The following AGAP1 variants were observed in gnomAD, a reference collection of about 807,000 sequenced individuals.
The protein encoded by AGAP1 is ArfGAP with GTPase domain, ankyrin repeat and PH domain 1.
Under a neutral mutation model 105.3 loss-of-function variants are expected in AGAP1, and 29 were observed. That is an observed-to-expected ratio of 0.28 (90% confidence interval 0.21 to 0.38). AGAP1 has a LOEUF of 0.38. Ranked by LOEUF, AGAP1 falls within the 10% of genes least tolerant of loss-of-function variation. AGAP1 has a pLI of 1.00. For missense variants in AGAP1, 998 were observed against 1,165.1 expected, an observed-to-expected ratio of 0.86 and a Z score of 2.09; for synonymous variants, 509 against 485.9, an observed-to-expected ratio of 1.05 and a Z score of -0.63.
rs2054252573 is a variant in AGAP1 at position 235,962,974 on chromosome 2, G to C, written c.1484-5488G>C. On this transcript the variant is annotated intron_variant, in intron 12 of 17. Coordinates refer to ENST00000304032, the MANE Select transcript of AGAP1 (RefSeq NM_001037131.3). This position sits in a 1 kb window ranked among gnomAD's most constrained non-coding sequence, Gnocchi z 5.3. ...GGGTTCCTGGAGAACCGGTGGATCT[G>C]TGGGAATCCAGAGTCCCATGGGGCT... is the stretch of plus-strand genomic sequence containing the variant. Among the ~76,000 whole-genome samples the C allele has an allele frequency of 6.6e-6, 1 of 152,172 alleles. No individual in the cohort carries two copies. Among genetic ancestry groups the C allele is most frequent in the Non-Finnish European group, 1.5e-5 (1 of 68,040 alleles).
At chr2:235,929,109 C>T (rs1469270949) in intron 11 of AGAP1, among the ~76,000 whole-genome samples, 2 of 152,198 alleles carry the variant, frequency 1.3e-5, no homozygotes, top group African/African-American at 4.8e-5. Flanking sequence ...AGCCCAGACC[C>T]GAGGCTTCCG....
rs1025464912 is a variant in AGAP1 at position 236,054,830 on chromosome 2, A to G, written c.2114+5549A>G. Reference sequence around the variant, plus strand: ...AGTTAATTTGCCACGATCACCGAGCATGGCGGATTGATGCCCTGCCCCTGC... The same window carrying G: ...AGTTAATTTGCCACGATCACCGAGCGTGGCGGATTGATGCCCTGCCCCTGC... On this transcript the variant is annotated intron_variant, in intron 16 of 17. Transcript: ENST00000304032. Among the ~76,000 whole-genome samples, 4 of 152,190 alleles carry G rather than the reference A, an allele frequency of 2.6e-5. No individual in the cohort carries two copies. The South Asian group carries it at 6.2e-4, about 24-fold the overall frequency.
intron 9 of AGAP1, among the ~76,000 whole-genome samples, chr2:235,819,117 C>CTTTTT (rs1235692784): frequency 2.7e-5 from 2 of 74,068 alleles, no homozygotes; most frequent in South Asian, 3.0e-4. Context: ...CTTTTCTTTT[C>CTTTTT]TTTTTTTTTT....
intron 6 of AGAP1, chr2:235,774,176 G>T: frequency 2.6e-6 from 1 of 378,306 alleles, no homozygotes; most frequent in Non-Finnish European, 5.3e-6. Context: ...CCTTATTCTT[G>T]ATATTATAGA....
rs765570228 is a variant in AGAP1 at position 235,877,828 on chromosome 2, C to CACTG, written c.1051-5516_1051-5513dup. 6.6e-6 allele frequency among the ~76,000 whole-genome samples: 1 copy of CACTG among 152,202 alleles called. No homozygotes were observed. The highest frequency in any genetic ancestry group is 1.5e-5 in the Non-Finnish European group (1 of 68,040). On this transcript the variant is annotated intron_variant, in intron 9 of 17. Coordinates refer to ENST00000304032, the MANE Select transcript of AGAP1 (RefSeq NM_001037131.3). The surrounding 1 kb of genome is among the most constrained non-coding windows in gnomAD (Gnocchi z 4.3). Reference sequence around the variant, plus strand: ...CCTCCCCCTCTTGGGTACACCCAACCACTGGTCTAAAGTGGGCCACACTTT... The same window carrying CACTG: ...CCTCCCCCTCTTGGGTACACCCAACCACTGACTGGTCTAAAGTGGGCCACACTTT...
chr2:236,042,661 C>T lies in AGAP1; in HGVS notation c.1891+1820C>T, dbSNP rs555079590. 1.5e-4 allele frequency among the ~76,000 whole-genome samples: 23 copies of T among 152,116 alleles called. No homozygotes were observed. The highest frequency in any genetic ancestry group is 3.9e-4 in the East Asian group (2 of 5,160). Reference sequence around the variant, plus strand: ...GCGGGGACCATGATACCTGGCAAATCGGAGGTCGCAGGTCCTGTCTGAGAT... The same window carrying T: ...GCGGGGACCATGATACCTGGCAAATTGGAGGTCGCAGGTCCTGTCTGAGAT... On this transcript the variant is annotated intron_variant, in intron 15 of 17. Coordinates refer to ENST00000304032, the MANE Select transcript of AGAP1 (RefSeq NM_001037131.3). This position sits in a 1 kb window ranked among gnomAD's most constrained non-coding sequence, Gnocchi z 5.6.
intron 9 of AGAP1, among the ~76,000 whole-genome samples, chr2:235,819,761 A>T (rs1253403925): frequency 2.0e-5 from 3 of 151,788 alleles, no homozygotes; most frequent in Non-Finnish European, 4.4e-5. Flanking sequence ...GTGTTTCCGG[A>T]TGGTGCACAC....
intron 1 of AGAP1, among the ~76,000 whole-genome samples, chr2:235,693,424 G>A (rs1191536370): frequency 6.6e-6 from 1 of 152,168 alleles, no homozygotes; most frequent in Non-Finnish European, 1.5e-5. Context: ...CCCAAGTGCA[G>A]TCTCTGGCAT....
At chr2:236,066,423 G>C (rs184287393) in intron 16 of AGAP1, among the ~76,000 whole-genome samples, 1 of 151,992 alleles carries the variant, frequency 6.6e-6, no homozygotes, top group African/African-American at 2.4e-5. Context: ...ATGGGGTTTC[G>C]CCATGTTGGC....
chr2:235,627,217 G>C (rs996087711), intron 1 of AGAP1, among the ~76,000 whole-genome samples: 7 of 15,516 alleles, frequency 4.5e-4, no homozygotes, highest in African/African-American at 1.5e-3. Context: ...TTTTTTTTTT[G>C]ATAGGGTCTC....
At chr2:235,870,271 G>A (rs931442806) in intron 9 of AGAP1, among the ~76,000 whole-genome samples, 5 of 152,178 alleles carry the variant, frequency 3.3e-5, no homozygotes, top group African/African-American at 1.2e-4. Context: ...GGAAGACCAC[G>A]ATACGCAGGG....
chr2:235,823,688 C>G (rs1958923494), intron 9 of AGAP1, among the ~76,000 whole-genome samples: 1 of 152,136 alleles, frequency 6.6e-6, no homozygotes, highest in Admixed American at 6.5e-5. Context: ...ACTGTTTTGA[C>G]CCAGATATTT....
intron 10 of AGAP1, among the ~76,000 whole-genome samples, chr2:235,895,400 T>C (rs150399410): frequency 2.9e-3 from 442 of 152,334 alleles, no homozygotes; most frequent in Non-Finnish European, 5.3e-3. Flanking sequence ...TTTCTTTTAG[T>C]TTCTCATACT....
chr2:235,999,758 T>C (rs774146488), intron 13 of AGAP1, among the ~76,000 whole-genome samples: 1 of 152,044 alleles, frequency 6.6e-6, no homozygotes. Context: ...GTGATGATGC[T>C]GATTATGATG....
At chr2:236,079,687 T>C (rs1287127835) in intron 16 of AGAP1, among the ~76,000 whole-genome samples, 1 of 152,008 alleles carries the variant, frequency 6.6e-6, no homozygotes, top group Admixed American at 6.6e-5. Context: ...AAGGCAAGCC[T>C]CAGAGAAAAA....
Position 236,080,291 on chromosome 2 carries a change from T to TA in AGAP1, c.2114+31011dup, listed in dbSNP as rs2058747803. Among the ~76,000 whole-genome samples the TA allele has an allele frequency of 6.6e-6, 1 of 152,226 alleles. No individual in the cohort carries two copies. Among genetic ancestry groups the TA allele is most frequent in the Admixed American group, 6.5e-5 (1 of 15,280 alleles). On this transcript the variant is annotated intron_variant, in intron 16 of 17. Transcript: ENST00000304032. The surrounding 1 kb of genome is among the most constrained non-coding windows in gnomAD (Gnocchi z 4.2). ...CAGGGAAAGGAGAGAGAAGAATTGTTACCCGGCAAAGATCAGACTGCCTCC... is the reference window on the plus strand; with the variant it reads ...CAGGGAAAGGAGAGAGAAGAATTGTTAACCCGGCAAAGATCAGACTGCCTCC...
intron 2 of AGAP1, among the ~76,000 whole-genome samples, chr2:235,709,768 A>G (rs969923942): frequency 3.3e-5 from 5 of 152,192 alleles, no homozygotes; most frequent in African/African-American, 1.2e-4. Flanking sequence ...CTTTCGGTGA[A>G]ATTATGTAGA....
At position 235,930,478 on chromosome 2, in the gene AGAP1, C is replaced by T. The variant is rs1336121688; in HGVS notation, c.1325-287C>T. 2.0e-5 allele frequency among the ~76,000 whole-genome samples: 3 copies of T among 152,176 alleles called. No homozygotes were observed. The highest frequency in any genetic ancestry group is 1.9e-4 in the East Asian group (1 of 5,178). On this transcript the variant is annotated intron_variant, in intron 11 of 17. Coordinates refer to ENST00000304032, the MANE Select transcript of AGAP1 (RefSeq NM_001037131.3). The surrounding 1 kb of genome is among the most constrained non-coding windows in gnomAD (Gnocchi z 7.9). Reference sequence around the variant, plus strand: ...TTGTCTTCACTTCCACTCGATGTTGCGGTTGCGGTTGGGTTGCGTCTTTGT... The same window carrying T: ...TTGTCTTCACTTCCACTCGATGTTGTGGTTGCGGTTGGGTTGCGTCTTTGT...
At chr2:235,861,169 G>A (rs967508705) in intron 9 of AGAP1, among the ~76,000 whole-genome samples, 4 of 152,180 alleles carry the variant, frequency 2.6e-5, no homozygotes, top group Admixed American at 6.5e-5. Flanking sequence ...TTCATCATTC[G>A]ATTGTCCTGA....
Sources: allele counts gnomAD v4.1 joint callset (sites outside exome capture counted in the v4.1 genomes callset), GRCh38; gene constraint gnomAD v4.1.1; non-coding constraint Gnocchi (gnomAD v3.1); transcripts MANE v1.5; gene names NCBI Gene and HGNC (gene_info 2026-07-23, HGNC 2026-07-21).